Variants in SESTD1 observed in about 807,000 individuals in gnomAD.
The protein encoded by SESTD1 is SEC14 and spectrin domain containing 1, also known as SEC14 domain and spectrin repeat-containing protein 1.
SESTD1 carries 43 observed loss-of-function variants against 101.7 expected under a neutral mutation model. That is an observed-to-expected ratio of 0.42 (90% confidence interval 0.33 to 0.55). The LOEUF (loss-of-function observed/expected upper bound fraction) is 0.55. Ranked by LOEUF, SESTD1 falls within the 20% of genes least tolerant of loss-of-function variation. The pLI, the probability that SESTD1 is intolerant of heterozygous loss-of-function variation, is 0.07. For synonymous variants in SESTD1, 283 were observed against 286.8 expected (o/e 0.99, Z 0.13); for missense variants, 647 against 815.1 (o/e 0.79, Z 2.51).
intron 1 of SESTD1, among the ~76,000 whole-genome samples, chr2:179,251,598 C>T (rs1406427240): frequency 6.6e-6 from 1 of 152,120 alleles, no homozygotes; most frequent in Non-Finnish European, 1.5e-5. Flanking sequence ...ACAAGAGATG[C>T]ACTATAGACT....
chr2:179,146,901 A>AGG (rs1431890016), intron 7 of SESTD1, among the ~76,000 whole-genome samples: 8 of 120,286 alleles, frequency 6.7e-5, no homozygotes, highest in South Asian at 5.8e-4. Context: ...CTTATATTCC[A>AGG]GGGGTGTGTG....
At chr2:179,112,921 C>CAA in intron 16 of SESTD1, 76 bp from the exon 17 acceptor site, 2 of 1,403,246 alleles carry the variant, frequency 1.4e-6, no homozygotes, top group Non-Finnish European at 1.9e-6. Context: ...CCCCACCCCA[C>CAA]AAAAAAAAAG....
chr2:179,158,529 A>C (rs1057161916), intron 5 of SESTD1, among the ~76,000 whole-genome samples: 2 of 152,218 alleles, frequency 1.3e-5, no homozygotes, highest in Admixed American at 1.3e-4. Flanking sequence ...AAATTAACTT[A>C]AATGTAAACA....
At chr2:179,210,270 T>C (rs1364130411) in intron 1 of SESTD1, among the ~76,000 whole-genome samples, 1 of 134,944 alleles carries the variant, frequency 7.4e-6, no homozygotes, top group Non-Finnish European at 1.6e-5. Context: ...AAAGAAGAAT[T>C]GGTATCAATA....
chr2:179,156,343 G>C (rs766524031), intron 5 of SESTD1, among the ~76,000 whole-genome samples: 1 of 152,136 alleles, frequency 6.6e-6, no homozygotes, highest in Non-Finnish European at 1.5e-5. Flanking sequence ...CTTCTGGGTA[G>C]ATACCCAGTA....
At chr2:179,156,909 A>G (rs1016945107) in intron 5 of SESTD1, among the ~76,000 whole-genome samples, 9 of 152,130 alleles carry the variant, frequency 5.9e-5, no homozygotes, top group Admixed American at 5.9e-4. Context: ...GCCAATGTCT[A>G]AAAGGGTTTT....
chr2:179,106,055 C>A lies in SESTD1; in HGVS notation c.*3844G>T, dbSNP rs1414729882. 2 of 152,162 alleles carry A rather than the reference C, an allele frequency of 1.3e-5. No homozygotes were observed. Among genetic ancestry groups the A allele is most frequent in the Admixed American group, 6.5e-5 (1 of 15,268 alleles). 9.4% of individuals were successfully genotyped at this position (152,162 alleles called of 1,614,324 possible). A position where few individuals can be genotyped will look rare whatever the true frequency, so the allele number is the denominator to read the frequency against. On this transcript the variant is annotated 3_prime_UTR_variant, in exon 18 of 18. Transcript: ENST00000428443. The stretch of plus-strand genomic sequence containing the variant: ...AGCATAGTATATTTTCTACTCCCAA[C>A]TGAAGCTTTTCATTTTTAGGACTGA...
rs1294643596 is a variant in SESTD1, at chr2:179,103,488, G to A, written c.*6411C>T. 6.6e-6 allele frequency: 1 copy of A among 152,018 alleles called. No homozygotes were observed. The highest frequency in any genetic ancestry group is 1.9e-4 in the East Asian group (1 of 5,198). The allele number at this position is 152,018 out of a possible 1,614,324, so 9.4% of individuals were successfully genotyped here. The stretch of plus-strand genomic sequence containing the variant: ...TGTTCACAAAGACTTACGTAAGAAT[G>A]GTCATAGCAGCTTTATTTATAATGG... On this transcript the variant is annotated 3_prime_UTR_variant, in exon 18 of 18. Transcript: ENST00000428443.
intron 1 of SESTD1, among the ~76,000 whole-genome samples, chr2:179,252,980 C>G (rs1211533650): frequency 1.3e-5 from 2 of 152,168 alleles, no homozygotes; most frequent in East Asian, 3.8e-4. Context: ...AAAGTTCATA[C>G]AGCCTCCATC....
intron 1 of SESTD1, among the ~76,000 whole-genome samples, chr2:179,262,999 T>G (rs1350386387): frequency 6.6e-6 from 1 of 152,214 alleles, no homozygotes; most frequent in East Asian, 1.9e-4. Flanking sequence ...AAATGTTTGG[T>G]AAATGCAATC....
At chr2:179,147,728 A>C (rs1422387760) in intron 7 of SESTD1, among the ~76,000 whole-genome samples, 1 of 152,188 alleles carries the variant, frequency 6.6e-6, no homozygotes, top group Non-Finnish European at 1.5e-5. Flanking sequence ...CAGAACCTTT[A>C]ATCTGCAATA....
At chr2:179,155,173 C>A (rs984513438) in intron 5 of SESTD1, among the ~76,000 whole-genome samples, 5 of 152,046 alleles carry the variant, frequency 3.3e-5, no homozygotes, top group African/African-American at 1.2e-4. Flanking sequence ...GCCCTGGCCT[C>A]CTAAAGTGCT....
intron 1 of SESTD1, among the ~76,000 whole-genome samples, chr2:179,233,771 C>T (rs1255154985): frequency 6.6e-6 from 1 of 152,148 alleles, no homozygotes. Flanking sequence ...AGTTTTTATA[C>T]AGAGATAGAT....
chr2:179,225,235 A>T (rs1374265581), intron 1 of SESTD1, among the ~76,000 whole-genome samples: 1 of 152,130 alleles, frequency 6.6e-6, no homozygotes, highest in Non-Finnish European at 1.5e-5. Context: ...GAAGCGTTCT[A>T]TGTTGACTGT....
chr2:179,204,433 A>G (rs750640086), intron 1 of SESTD1, among the ~76,000 whole-genome samples: 1 of 134,646 alleles, frequency 7.4e-6, no homozygotes, highest in Non-Finnish European at 1.6e-5. Context: ...GCCATAACCC[A>G]TACCTTATAG....
chr2:179,258,217 G>A (rs937805190), intron 1 of SESTD1, among the ~76,000 whole-genome samples: 13 of 152,166 alleles, frequency 8.5e-5, no homozygotes, highest in Admixed American at 3.9e-4. Context: ...AGACTTTTCT[G>A]ATAAAAATTA....
At chr2:179,150,115 C>CT (rs765494616) in intron 6 of SESTD1, among the ~76,000 whole-genome samples, 1 of 152,048 alleles carries the variant, frequency 6.6e-6, no homozygotes, top group Non-Finnish European at 1.5e-5. Flanking sequence ...GTCCCAACGA[C>CT]TTGAGAGGCT....
chr2:179,250,365 T>C (rs752755257), intron 1 of SESTD1, among the ~76,000 whole-genome samples: 4 of 152,176 alleles, frequency 2.6e-5, no homozygotes, highest in Non-Finnish European at 5.9e-5. Context: ...ATAAAAACAG[T>C]GAAGAACCAA....
At chr2:179,236,451 C>T (rs2047067612) in intron 1 of SESTD1, among the ~76,000 whole-genome samples, 2 of 151,384 alleles carry the variant, frequency 1.3e-5, no homozygotes, top group South Asian at 4.2e-4. Flanking sequence ...GAGCTACAAT[C>T]GTGCCACTGC....
Sources: allele counts gnomAD v4.1 joint callset (sites outside exome capture counted in the v4.1 genomes callset), GRCh38; gene constraint gnomAD v4.1.1; transcripts MANE v1.5; gene names NCBI Gene and HGNC (gene_info 2026-07-23, HGNC 2026-07-21).